RELN: variants seen among roughly 807,000 people sequenced by gnomAD.
The protein encoded by RELN is reelin.
In RELN, 108 loss-of-function variants were observed where a neutral mutation model predicts 427.6. The observed-to-expected ratio is 0.25, with a 90% CI of 0.22 to 0.30. RELN has a LOEUF of 0.30. RELN is among the 10% of genes least tolerant of loss of function. The pLI, the probability that RELN is intolerant of heterozygous loss-of-function variation, is 1.00. For synonymous variants in RELN, 1,524 were observed against 1,513.4 expected (o/e 1.01, Z -0.16); for missense variants, 3,715 against 4,302.8 (o/e 0.86, Z 3.82).
chr7:103,702,404 G>C (rs1447094831), intron 8 of RELN, among the ~76,000 whole-genome samples: 1 of 151,918 alleles, frequency 6.6e-6, no homozygotes, highest in East Asian at 1.9e-4. Context: ...AAATGTATAA[G>C]GTAAATCTCT....
At chr7:103,648,129 G>T (rs1289993045) in intron 16 of RELN, among the ~76,000 whole-genome samples, 1 of 151,886 alleles carries the variant, frequency 6.6e-6, no homozygotes, top group East Asian at 1.9e-4. Context: ...TTGGATTTGT[G>T]TCCCTGCCCA....
At chr7:103,938,108 G>C (rs1796027160) in intron 1 of RELN, among the ~76,000 whole-genome samples, 1 of 152,004 alleles carries the variant, frequency 6.6e-6, no homozygotes, top group African/African-American at 2.4e-5. Context: ...ATCACTTGAG[G>C]TCAGGAGTTA....
At chr7:103,697,775 CA>C in intron 10 of RELN, 77 bp downstream of exon 10, 1 of 1,600,996 alleles carries the variant, frequency 6.2e-7, no homozygotes, top group Non-Finnish European at 8.5e-7. Context: ...TATCTTTATA[CA>C]ATTTGGTTTA....
chr7:103,975,944 C>T (rs1356092675), intron 1 of RELN, among the ~76,000 whole-genome samples: 1 of 151,986 alleles, frequency 6.6e-6, no homozygotes, highest in Non-Finnish European at 1.5e-5. Context: ...GCATACAAGG[C>T]CATCTAGGGA....
At chr7:103,646,509 C>T (rs956666036) in intron 16 of RELN, among the ~76,000 whole-genome samples, 1 of 151,700 alleles carries the variant, frequency 6.6e-6, no homozygotes, top group Non-Finnish European at 1.5e-5. Flanking sequence ...GTGCACAATC[C>T]AGAAAACCTA....
Position 103,742,290 on chromosome 7 carries a change from G to C in RELN, c.656+7136C>G, listed in dbSNP as rs619438. Among the ~76,000 whole-genome samples the C allele has an allele frequency of 2.0e-5, 3 of 151,958 alleles. No individual in the cohort carries two copies. The South Asian group carries it at 6.2e-4, about 32-fold the overall frequency. ...TACGTCACCATCATCAAAGACCAAAGGTAGCTAAAACCACAAAGATGGGAA... is the reference window on the plus strand; with the variant it reads ...TACGTCACCATCATCAAAGACCAAACGTAGCTAAAACCACAAAGATGGGAA... On this transcript the variant is annotated intron_variant, in intron 6 of 64. Coordinates refer to ENST00000428762, the MANE Select transcript of RELN (RefSeq NM_005045.4).
intron 6 of RELN, among the ~76,000 whole-genome samples, chr7:103,747,670 T>TA (rs1790880136): frequency 1.3e-5 from 2 of 148,478 alleles, no homozygotes; most frequent in Non-Finnish European, 3.0e-5. Flanking sequence ...TTTGGAATCT[T>TA]AAAGAGGCTA....
chr7:103,973,230 A>G (rs1046647624), intron 1 of RELN, among the ~76,000 whole-genome samples: 3 of 152,250 alleles, frequency 2.0e-5, no homozygotes, highest in African/African-American at 4.8e-5. Flanking sequence ...AAGGCAGTTA[A>G]TGGCAGAAGT....
chr7:103,682,283 G>A lies in RELN; in HGVS notation c.1144-22C>T, dbSNP rs77386111. ...TATGCTGTAGGTGAAAAGAGAGCAC[G>A]GGGTGGCTGTTGAATTGGTGTTGTA... On this transcript the variant is annotated intron_variant, in intron 10 of 64. Transcript: ENST00000428762. 2.0e-3 allele frequency: 3,244 copies of A among 1,613,528 alleles called. 63 individuals carry two copies. In the African/African-American group the frequency reaches 0.037, roughly 19 times the overall value.
intron 6 of RELN, 149 bp downstream of exon 6, chr7:103,749,277 C>T (rs551982306): frequency 4.3e-6 from 3 of 701,570 alleles, no homozygotes; most frequent in African/African-American, 3.5e-5. Context: ...ATGCAGTCTA[C>T]ATTAAGCCCA....
At chr7:103,810,583 C>T (rs1005008539) in intron 3 of RELN, among the ~76,000 whole-genome samples, 9 of 152,130 alleles carry the variant, frequency 5.9e-5, no homozygotes, top group East Asian at 3.9e-4. Context: ...TGACAAGGCG[C>T]GCCAACCTGG....
intron 3 of RELN, among the ~76,000 whole-genome samples, chr7:103,797,107 C>T (rs1006293150): frequency 6.6e-6 from 1 of 151,840 alleles, no homozygotes; most frequent in African/African-American, 2.4e-5. Flanking sequence ...TTTTTTGAGA[C>T]AGAGCGTCGC....
Position 103,953,313 on chromosome 7 carries a change from T to C in RELN, c.226+35818A>G, listed in dbSNP as rs905059800. Among the ~76,000 whole-genome samples, 1 of 152,234 alleles carries C rather than the reference T, an allele frequency of 6.6e-6. No individual in the cohort carries two copies. Among genetic ancestry groups the C allele is most frequent in the African/African-American group, 2.4e-5 (1 of 41,452 alleles). The stretch of plus-strand genomic sequence containing the variant: ...ATAACAAGTGGAAGGGTTATTGTTT[T>C]ATCATTTGGTTTCGGATCCACATTC... On this transcript the variant is annotated intron_variant, in intron 1 of 64. Coordinates refer to ENST00000428762, the MANE Select transcript of RELN (RefSeq NM_005045.4). The surrounding 1 kb of genome is among the most constrained non-coding windows in gnomAD (Gnocchi z 4.3).
intron 2 of RELN, among the ~76,000 whole-genome samples, chr7:103,882,073 T>G (rs1317783596): frequency 6.6e-6 from 1 of 152,190 alleles, no homozygotes; most frequent in Non-Finnish European, 1.5e-5. Flanking sequence ...GTATTCTTTC[T>G]ACCTTATTTT....
At chr7:103,480,453 C>T (rs896985664) in intron 63 of RELN, among the ~76,000 whole-genome samples, 4 of 152,036 alleles carry the variant, frequency 2.6e-5, no homozygotes, top group African/African-American at 9.7e-5. Context: ...CTAATGAATG[C>T]CTTAAAACTC....
In RELN at chr7:103,683,772, C is replaced by T. The variant is rs1833703498; in HGVS notation, c.1144-1511G>A. ...CTTCTTTAGAGTCTTAATAGACTGA[C>T]ATATTACCAAAGAAAGGCTGCAACA... On this transcript the variant is annotated intron_variant, in intron 10 of 64. Coordinates refer to ENST00000428762, the MANE Select transcript of RELN (RefSeq NM_005045.4). Among the ~76,000 whole-genome samples, 3 of 152,036 alleles carry T rather than the reference C, an allele frequency of 2.0e-5. No individual in the cohort carries two copies. The South Asian group carries it at 6.2e-4, about 32-fold the overall frequency.
At chr7:103,778,667 T>G (rs1303993770) in intron 3 of RELN, among the ~76,000 whole-genome samples, 1 of 152,240 alleles carries the variant, frequency 6.6e-6, no homozygotes, top group Non-Finnish European at 1.5e-5. Flanking sequence ...ATTACTCAGT[T>G]TCCTCAGATT....
At chr7:103,786,880 C>A (rs992430812) in intron 3 of RELN, among the ~76,000 whole-genome samples, 1 of 152,110 alleles carries the variant, frequency 6.6e-6, no homozygotes, top group Non-Finnish European at 1.5e-5. Context: ...ACTCTCCACC[C>A]CAAGTCAACA....
At chr7:103,680,975 G>GC (rs1562954349) in intron 11 of RELN, among the ~76,000 whole-genome samples, 2 of 152,130 alleles carry the variant, frequency 1.3e-5, no homozygotes, top group Non-Finnish European at 2.9e-5. Context: ...ACTTCCCTGA[G>GC]GCAGGGAGGA....
Sources: allele counts gnomAD v4.1 joint callset (sites outside exome capture counted in the v4.1 genomes callset), GRCh38; gene constraint gnomAD v4.1.1; non-coding constraint Gnocchi (gnomAD v3.1); transcripts MANE v1.5; gene names NCBI Gene and HGNC (gene_info 2026-07-23, HGNC 2026-07-21).